The following NME7 variants were observed in gnomAD, a reference collection of about 807,000 sequenced individuals.
The protein encoded by NME7 is NME/NM23 family member 7, also known as nucleoside diphosphate kinase 7.
NME7 carries 41 observed loss-of-function variants against 49.1 expected under a neutral mutation model. That is an observed-to-expected ratio of 0.83 (90% CI 0.65 to 1.08). The LOEUF is 1.08. NME7 is among the 50% of genes least tolerant of loss of function. The pLI is 0.00. For missense variants in NME7, 423 were observed against 463.4 expected (o/e 0.91, Z 0.80); for synonymous variants, 139 against 150.6 (o/e 0.92, Z 0.56).
At chr1:169,342,715 C>G (rs1652785334) in intron 1 of NME7, among the ~76,000 whole-genome samples, 1 of 31,474 alleles carries the variant, frequency 3.2e-5, no homozygotes, top group Non-Finnish European at 5.0e-5. Flanking sequence ...TATACAAGTA[C>G]ATATATATAT....
intron 4 of NME7, among the ~76,000 whole-genome samples, chr1:169,306,927 T>C (rs1016671175): frequency 6.6e-6 from 1 of 152,072 alleles, no homozygotes; most frequent in African/African-American, 2.4e-5. Context: ...GGAAAGCAAA[T>C]AGAGCAGAGC....
chr1:169,336,237 G>C (rs1557827958), intron 1 of NME7, among the ~76,000 whole-genome samples: 1 of 152,148 alleles, frequency 6.6e-6, no homozygotes, highest in Non-Finnish European at 1.5e-5. Context: ...TTCACGGTGA[G>C]TGTTACAGCT....
At chr1:169,320,639 G>A (rs977891975) in intron 3 of NME7, among the ~76,000 whole-genome samples, 3 of 152,124 alleles carry the variant, frequency 2.0e-5, no homozygotes, top group East Asian at 1.9e-4. Flanking sequence ...GAAACTCTTC[G>A]GTTTGGAAGA....
intron 1 of NME7, among the ~76,000 whole-genome samples, chr1:169,364,656 CCTAA>C (rs1412540115): frequency 3.9e-5 from 6 of 152,296 alleles, no homozygotes; most frequent in Admixed American, 3.3e-4. Flanking sequence ...AGAAATCTAA[CCTAA>C]CTGACTCCAT....
intron 7 of NME7, 133 bp from the exon 8 acceptor site, chr1:169,237,820 G>A: frequency 1.6e-6 from 1 of 617,378 alleles, no homozygotes; most frequent in East Asian, 2.8e-5. Context: ...TTTTGCAAGA[G>A]AAACTAAATT....
At chr1:169,316,765 T>C (rs773568922) in intron 3 of NME7, among the ~76,000 whole-genome samples, 3 of 152,284 alleles carry the variant, frequency 2.0e-5, no homozygotes, top group South Asian at 2.1e-4. Flanking sequence ...TGCAAGGAAA[T>C]TGATTCTTTC....
rs113268129 is a variant in NME7 at position 169,329,699 on chromosome 1, A to G, written c.4-5199T>C. Among the ~76,000 whole-genome samples the G allele has an allele frequency of 8.3e-3, 1,265 of 152,262 alleles. 7 individuals carry two copies. Among genetic ancestry groups the G allele is most frequent in the Non-Finnish European group, 0.013 (876 of 68,006 alleles). Reference sequence around the variant, plus strand: ...AGCACACCTATAGGATCTAGGAAATAGGCTGGAAAGGGCAAATCTAAGTTA... The same window carrying G: ...AGCACACCTATAGGATCTAGGAAATGGGCTGGAAAGGGCAAATCTAAGTTA... On this transcript the variant is annotated intron_variant, in intron 1 of 11. Coordinates refer to ENST00000367811, the MANE Select transcript of NME7 (RefSeq NM_013330.5).
intron 11 of NME7, among the ~76,000 whole-genome samples, chr1:169,157,125 A>G (rs1659100367): frequency 6.6e-6 from 1 of 152,160 alleles, no homozygotes; most frequent in Non-Finnish European, 1.5e-5. Context: ...GGTGGAGGGA[A>G]TGGTGAGATG....
intron 10 of NME7, among the ~76,000 whole-genome samples, chr1:169,173,830 A>C (rs1214793245): frequency 6.6e-6 from 1 of 152,196 alleles, no homozygotes; most frequent in Non-Finnish European, 1.5e-5. Context: ...CAATTATGAG[A>C]TCATAAAAGC....
rs574595904 is a variant in NME7 at position 169,265,227 on chromosome 1, G to A, written c.754+22076C>T. Reference sequence around the variant, plus strand: ...TGATACATACTCTAAAATCAACCACGGAATCAGACATAAGACAACCCTCAG... The same window carrying A: ...TGATACATACTCTAAAATCAACCACAGAATCAGACATAAGACAACCCTCAG... On this transcript the variant is annotated intron_variant, in intron 7 of 11. Transcript: ENST00000367811. Among the ~76,000 whole-genome samples, 28 of 132,104 alleles carry A rather than the reference G, an allele frequency of 2.1e-4. 7 individuals carry two copies. Among genetic ancestry groups the A allele is most frequent in the Non-Finnish European group, 3.7e-4 (21 of 56,066 alleles). 86.7% of individuals were successfully genotyped at this position (132,104 alleles called of 152,430 possible). A position where few individuals can be genotyped will look rare whatever the true frequency, so the allele number is the denominator to read the frequency against.
chr1:169,204,509 A>G (rs1275560509), intron 10 of NME7, among the ~76,000 whole-genome samples: 1 of 152,066 alleles, frequency 6.6e-6, no homozygotes, highest in Non-Finnish European at 1.5e-5. Flanking sequence ...CTCAATGCCT[A>G]TGTGACATAA....
intron 7 of NME7, among the ~76,000 whole-genome samples, chr1:169,252,883 G>A (rs1648698201): frequency 6.7e-6 from 1 of 148,752 alleles, no homozygotes; most frequent in Admixed American, 6.7e-5. Flanking sequence ...GATATGCGGT[G>A]TTATTTCTGA....
chr1:169,154,142 T>C (rs1658995309), intron 11 of NME7, among the ~76,000 whole-genome samples: 1 of 151,978 alleles, frequency 6.6e-6, no homozygotes, highest in Non-Finnish European at 1.5e-5. Context: ...GCCTTTGGAG[T>C]AGCTGAGACC....
chr1:169,255,692 C>T (rs1168655559), intron 7 of NME7, among the ~76,000 whole-genome samples: 4 of 127,586 alleles, frequency 3.1e-5, no homozygotes, highest in East Asian at 2.6e-4. Flanking sequence ...GATTTTGCAG[C>T]GGCTGGTACC....
At chr1:169,306,999 AAGG>A (rs762152343) in intron 4 of NME7, among the ~76,000 whole-genome samples, 2 of 152,212 alleles carry the variant, frequency 1.3e-5, no homozygotes, top group African/African-American at 2.4e-5. Flanking sequence ...ACTGGAATAG[AAGG>A]AGACTATAAA....
chr1:169,201,783 T>A (rs1388175481), intron 10 of NME7, among the ~76,000 whole-genome samples: 1 of 152,130 alleles, frequency 6.6e-6, no homozygotes, highest in Admixed American at 6.5e-5. Flanking sequence ...GAAACATGGA[T>A]CTGGTGCTCA....
intron 5 of NME7, among the ~76,000 whole-genome samples, chr1:169,299,308 C>T (rs1407051218): frequency 6.6e-6 from 1 of 151,962 alleles, no homozygotes; most frequent in Non-Finnish European, 1.5e-5. Context: ...AAGAAATATC[C>T]TTTTATTAGC....
intron 6 of NME7, among the ~76,000 whole-genome samples, chr1:169,289,725 G>A (rs1198564945): frequency 6.6e-6 from 1 of 151,980 alleles, no homozygotes; most frequent in African/African-American, 2.4e-5. Flanking sequence ...CAACTACCCA[G>A]ATTTTCAAGT....
intron 11 of NME7, among the ~76,000 whole-genome samples, chr1:169,152,345 A>G (rs1255168258): frequency 6.6e-6 from 1 of 152,176 alleles, no homozygotes; most frequent in Non-Finnish European, 1.5e-5. Flanking sequence ...TATTATTCCC[A>G]CCATAAAGAT....
Sources: gnomAD v4.1 joint callset for allele counts (sites outside exome capture counted in the v4.1 genomes callset) on GRCh38, gnomAD v4.1.1 for gene constraint, MANE v1.5 for transcripts, NCBI Gene and HGNC (gene_info 2026-07-23, HGNC 2026-07-21) for gene names.